Variants in SHC3 observed in about 807,000 individuals in gnomAD.
SHC3 encodes SHC-transforming protein 3.
SHC3 carries 15 observed loss-of-function variants against 60.4 expected under a neutral mutation model. The ratio of observed to expected loss-of-function variants is 0.25; its 90% CI spans 0.17 to 0.38. The LOEUF is 0.38. Ranked by LOEUF, SHC3 falls within the 10% of genes least tolerant of loss-of-function variation. The pLI is 1.00. For missense variants in SHC3, 677 were observed against 786.1 expected, an observed-to-expected ratio of 0.86 and a Z score of 1.66; for synonymous variants, 294 against 325.9, an observed-to-expected ratio of 0.90 and a Z score of 1.05.
intron 2 of SHC3, among the ~76,000 whole-genome samples, chr9:89,106,494 A>G (rs1180032505): frequency 6.6e-6 from 1 of 152,162 alleles, no homozygotes; most frequent in Non-Finnish European, 1.5e-5. Context: ...CAGCTTTCTC[A>G]GCCCACACAG....
chr9:89,038,489 A>T (rs1308163122), intron 10 of SHC3, among the ~76,000 whole-genome samples: 1 of 152,178 alleles, frequency 6.6e-6, no homozygotes. Flanking sequence ...GCACAGCCCA[A>T]ATTTTGGCAT....
intron 1 of SHC3, among the ~76,000 whole-genome samples, chr9:89,163,008 G>A (rs1826733210): frequency 1.4e-5 from 2 of 140,170 alleles, no homozygotes; most frequent in East Asian, 4.1e-4. Context: ...CATCATCACT[G>A]GCCATCAGAG....
intron 10 of SHC3, among the ~76,000 whole-genome samples, chr9:89,040,313 A>T (rs1824668711): frequency 1.4e-5 from 1 of 71,608 alleles, no homozygotes; most frequent in African/African-American, 5.3e-5. Flanking sequence ...CGCTATATTT[A>T]GATCTACTGG....
intron 6 of SHC3, among the ~76,000 whole-genome samples, chr9:89,055,002 C>T (rs1462661150): frequency 6.6e-6 from 1 of 152,254 alleles, no homozygotes; most frequent in Non-Finnish European, 1.5e-5. Flanking sequence ...CAAGAGCTCA[C>T]ATCACAAGGA....
chr9:89,116,812 T>C (rs1385769361), intron 1 of SHC3, among the ~76,000 whole-genome samples: 1 of 152,092 alleles, frequency 6.6e-6, no homozygotes, highest in African/African-American at 2.4e-5. Context: ...ATGACAATAC[T>C]GCAGTTATGT....
rs1017385098 is a variant in SHC3 at position 89,032,885 on chromosome 9, C to T, written c.1656+5108G>A. 2.6e-5 allele frequency among the ~76,000 whole-genome samples: 4 copies of T among 152,092 alleles called. 1 individual carries two copies. The South Asian group carries it at 6.2e-4, about 24-fold the overall frequency. ...AATATTGAAGAGAATGTGTTCATTG[C>T]CTATTTTGGTGTCCCCACAGCAAGA... On this transcript the variant is annotated intron_variant, in intron 11 of 11. Transcript: ENST00000375835.
chr9:89,075,954 C>T (rs1385670878), intron 3 of SHC3, among the ~76,000 whole-genome samples: 1 of 152,120 alleles, frequency 6.6e-6, no homozygotes, highest in African/African-American at 2.4e-5. Flanking sequence ...GGTACCAACC[C>T]ATCCCTTCTT....
chr9:89,156,727 G>A (rs10867158), intron 1 of SHC3, among the ~76,000 whole-genome samples: 40,124 of 151,950 alleles, frequency 0.26, 5,685 homozygotes, highest in African/African-American at 0.36. Flanking sequence ...GGTAAGGAGA[G>A]GCTGAGGACT....
At chr9:89,055,511 C>T (rs1824935093) in intron 6 of SHC3, among the ~76,000 whole-genome samples, 1 of 152,256 alleles carries the variant, frequency 6.6e-6, no homozygotes, top group African/African-American at 2.4e-5. Flanking sequence ...CTCTCTAAGG[C>T]AGCCATCCTC....
rs566829631 is a variant in SHC3 at position 89,124,943 on chromosome 9, T to C, written c.475-12317A>G. Among the ~76,000 whole-genome samples, 41 of 152,256 alleles carry C rather than the reference T, an allele frequency of 2.7e-4. No individual in the cohort carries two copies. In the South Asian group the frequency reaches 8.1e-3, roughly 30 times the overall value. On this transcript the variant is annotated intron_variant, in intron 1 of 11. Coordinates refer to ENST00000375835, the MANE Select transcript of SHC3 (RefSeq NM_016848.6). ...ATGTGTATCTGCACCTGTTAGGATGTTCTGGTAGGGAGTAACTAAATCTTG... is the reference window on the plus strand; with the variant it reads ...ATGTGTATCTGCACCTGTTAGGATGCTCTGGTAGGGAGTAACTAAATCTTG...
intron 1 of SHC3, among the ~76,000 whole-genome samples, chr9:89,154,447 C>T (rs758723103): frequency 6.6e-6 from 1 of 152,154 alleles, no homozygotes; most frequent in Non-Finnish European, 1.5e-5. Context: ...GGAGGGGATG[C>T]CCCACGGTGT....
intron 6 of SHC3, among the ~76,000 whole-genome samples, chr9:89,053,620 G>A (rs371632164): frequency 1.7e-4 from 26 of 152,294 alleles, no homozygotes; most frequent in South Asian, 8.3e-4. Context: ...GCTTTGGGGG[G>A]CAATGCAACC....
intron 11 of SHC3, 103 bp from the exon 12 acceptor site, chr9:89,013,678 A>T: frequency 2.7e-6 from 4 of 1,473,280 alleles, no homozygotes; most frequent in Non-Finnish European, 3.6e-6. Flanking sequence ...GCCCAGAAGG[A>T]AAGGAGGGGG....
chr9:89,114,140 C>T (rs898110940), intron 1 of SHC3, among the ~76,000 whole-genome samples: 13 of 152,156 alleles, frequency 8.5e-5, no homozygotes, highest in African/African-American at 1.9e-4. Flanking sequence ...TGTGGGAATA[C>T]GGGAATACCA....
intron 1 of SHC3, among the ~76,000 whole-genome samples, chr9:89,127,783 C>A (rs796099139): frequency 1.7e-4 from 25 of 150,202 alleles, no homozygotes; most frequent in African/African-American, 6.0e-4. Context: ...CACTCCACCC[C>A]CCCCCACCAC....
At chr9:89,077,683 G>C (rs1313572653) in intron 3 of SHC3, among the ~76,000 whole-genome samples, 157 bp downstream of exon 3, 1 of 152,224 alleles carries the variant, frequency 6.6e-6, no homozygotes, top group African/African-American at 2.4e-5. Context: ...AACCACGTGA[G>C]AGAGAAAGCA....
chr9:89,034,166 T>C (rs1204133434), intron 11 of SHC3, among the ~76,000 whole-genome samples: 1 of 152,184 alleles, frequency 6.6e-6, no homozygotes, highest in African/African-American at 2.4e-5. Context: ...GGTGCTGAAG[T>C]AGTTGATAAA....
At chr9:89,032,633 T>C (rs1318864582) in intron 11 of SHC3, among the ~76,000 whole-genome samples, 1 of 152,194 alleles carries the variant, frequency 6.6e-6, no homozygotes, top group Non-Finnish European at 1.5e-5. Flanking sequence ...TTAGAGTCAA[T>C]ATTCTTGACA....
chr9:89,038,288 T>C lies in SHC3; in HGVS notation c.1361A>G (p.Lys454Arg). The change falls in exon 11 of 12, where the codon AAA becomes AGA. Residue 454 changes from lysine to arginine, a missense_variant and splice_region_variant. Physicochemically the swap from Lys to Arg is conservative, Grantham distance 26. Coordinates refer to ENST00000375835, the MANE Select transcript of SHC3 (RefSeq NM_016848.6). ...SSPRKDLFDM[K>R]PFEDALKNQP... ...GTTCTTGAGAGCATCTTCAAAAGGT[T>C]CTGTCATCAACAATATTGACCAGCA... The C allele has an allele frequency of 6.2e-7, 1 of 1,610,024 alleles. No homozygotes were observed. The highest frequency in any genetic ancestry group is 8.5e-7 in the Non-Finnish European group (1 of 1,177,900).
Sources: gnomAD v4.1 joint callset for allele counts (sites outside exome capture counted in the v4.1 genomes callset) on GRCh38, gnomAD v4.1.1 for gene constraint, MANE v1.5 for transcripts, NCBI Gene and HGNC (gene_info 2026-07-23, HGNC 2026-07-21) for gene names.